The following SLC39A11 variants were observed in gnomAD, a reference collection of about 807,000 sequenced individuals.
SLC39A11 encodes the protein zinc transporter ZIP11.
SLC39A11 carries 33 observed loss-of-function variants against 36.1 expected under a neutral mutation model. That is an observed-to-expected ratio of 0.91 (90% confidence interval 0.69 to 1.22). SLC39A11 has a LOEUF of 1.22. Ranked by LOEUF, SLC39A11 falls within the 50% of genes most tolerant of loss-of-function variation. The pLI is 0.00. For missense variants in SLC39A11, 432 were observed against 430.3 expected, an observed-to-expected ratio of 1.00 and a Z score of -0.03; for synonymous variants, 166 against 170.3, an observed-to-expected ratio of 0.97 and a Z score of 0.20.
intron 5 of SLC39A11, among the ~76,000 whole-genome samples, chr17:72,854,680 T>C (rs930511768): frequency 2.6e-5 from 4 of 152,198 alleles, no homozygotes; most frequent in Non-Finnish European, 5.9e-5. Context: ...ATTTTGTTTT[T>C]TAACTTATAA....
intron 5 of SLC39A11, among the ~76,000 whole-genome samples, chr17:72,878,391 AAATAAAC>A (rs2081029663): frequency 6.6e-6 from 1 of 152,184 alleles, no homozygotes; most frequent in East Asian, 1.9e-4. Context: ...TATTTTAGGA[AAATAAAC>A]AAGGTCCCCA....
intron 6 of SLC39A11, among the ~76,000 whole-genome samples, chr17:72,841,957 A>G (rs752817943): frequency 6.6e-6 from 1 of 151,894 alleles, no homozygotes; most frequent in Non-Finnish European, 1.5e-5. Flanking sequence ...CTGTAGTCCC[A>G]GCTACTCAGG....
At chr17:72,689,185 T>C (rs2071897605) in intron 7 of SLC39A11, among the ~76,000 whole-genome samples, 1 of 152,174 alleles carries the variant, frequency 6.6e-6, no homozygotes, top group South Asian at 2.1e-4. Flanking sequence ...CTGTACTCAG[T>C]TTCATGCTAG....
intron 7 of SLC39A11, among the ~76,000 whole-genome samples, chr17:72,726,385 C>T (rs77533669): frequency 8.5e-5 from 13 of 152,254 alleles, no homozygotes; most frequent in Non-Finnish European, 1.8e-4. Context: ...AGGATGCACA[C>T]CTGGAGTCCC....
At chr17:72,983,270 C>A (rs2088471061) in intron 4 of SLC39A11, among the ~76,000 whole-genome samples, 1 of 152,098 alleles carries the variant, frequency 6.6e-6, no homozygotes, top group Non-Finnish European at 1.5e-5. Context: ...CTGTCTCAGC[C>A]TCCTGAGGAG....
At chr17:72,938,130 A>C (rs2084886178) in intron 5 of SLC39A11, among the ~76,000 whole-genome samples, 1 of 152,152 alleles carries the variant, frequency 6.6e-6, no homozygotes, top group Admixed American at 6.5e-5. Context: ...ATGCAGAGCT[A>C]TTTTCTTTCT....
chr17:72,869,188 G>A (rs73996003), intron 5 of SLC39A11, among the ~76,000 whole-genome samples: 353 of 152,288 alleles, frequency 2.3e-3, no homozygotes, highest in African/African-American at 7.5e-3. Flanking sequence ...CTTCCCAAGT[G>A]GCACCAGTGA....
chr17:73,014,418 A>G (rs187144149), intron 4 of SLC39A11, among the ~76,000 whole-genome samples: 5 of 152,316 alleles, frequency 3.3e-5, no homozygotes, highest in Admixed American at 2.6e-4. Flanking sequence ...GCACTTTGAG[A>G]GGCCCAGGTG....
chr17:72,732,362 C>A (rs2074269685), intron 7 of SLC39A11, among the ~76,000 whole-genome samples: 1 of 152,174 alleles, frequency 6.6e-6, no homozygotes. Context: ...CTAGTAACTA[C>A]ACTATATTCA....
At chr17:72,721,071 G>C (rs577197244) in intron 7 of SLC39A11, among the ~76,000 whole-genome samples, 54 of 148,126 alleles carry the variant, frequency 3.6e-4, no homozygotes, top group South Asian at 8.6e-4. Context: ...GCACAGACTT[G>C]ACTGCTGTCC....
intron 7 of SLC39A11, among the ~76,000 whole-genome samples, chr17:72,719,726 T>G (rs1447634462): frequency 6.6e-6 from 1 of 152,206 alleles, no homozygotes; most frequent in Non-Finnish European, 1.5e-5. Context: ...CCCCAAGGTC[T>G]GCTCCAGGCT....
At chr17:72,695,202 G>C (rs2072236454) in intron 7 of SLC39A11, among the ~76,000 whole-genome samples, 1 of 152,182 alleles carries the variant, frequency 6.6e-6, no homozygotes, top group Admixed American at 6.5e-5. Context: ...CTCTGCCTCA[G>C]TGTCTCCTCC....
chr17:72,916,155 A>G (rs1467803706), intron 5 of SLC39A11, among the ~76,000 whole-genome samples: 1 of 152,024 alleles, frequency 6.6e-6, no homozygotes, highest in Admixed American at 6.5e-5. Context: ...TTCACCTCCA[A>G]GACACGACAT....
chr17:72,657,924 C>T (rs749061498), intron 7 of SLC39A11, among the ~76,000 whole-genome samples: 69 of 152,328 alleles, frequency 4.5e-4, no homozygotes, highest in Non-Finnish European at 1.9e-4. Context: ...CCTCACCAGC[C>T]CCATTGATGC....
chr17:73,077,317 G>A (rs2060355670), intron 3 of SLC39A11, among the ~76,000 whole-genome samples: 1 of 152,110 alleles, frequency 6.6e-6, no homozygotes, highest in African/African-American at 2.4e-5. Flanking sequence ...CAAGAACAAT[G>A]TTTGTTATTG....
At chr17:72,876,042 A>G (rs1408931813) in intron 5 of SLC39A11, among the ~76,000 whole-genome samples, 1 of 152,226 alleles carries the variant, frequency 6.6e-6, no homozygotes, top group Non-Finnish European at 1.5e-5. Context: ...GGTTATAAAT[A>G]TAACTGCAAA....
At chr17:72,987,278 G>C (rs569949300) in intron 4 of SLC39A11, among the ~76,000 whole-genome samples, 10 of 152,346 alleles carry the variant, frequency 6.6e-5, no homozygotes, top group African/African-American at 2.2e-4. Flanking sequence ...AGAACTGAGA[G>C]CCAAATAAAC....
At chr17:72,743,787 A>C (rs2713995) in intron 6 of SLC39A11, among the ~76,000 whole-genome samples, 114,151 of 152,142 alleles carry the variant, frequency 0.75, 43,377 homozygotes, top group Non-Finnish European at 0.79. Context: ...ACTGATGCTC[A>C]TGCCCCCAGT....
At chr17:72,852,763 T>C (rs2079426186) in intron 5 of SLC39A11, among the ~76,000 whole-genome samples, 1 of 152,234 alleles carries the variant, frequency 6.6e-6, no homozygotes, top group African/African-American at 2.4e-5. Context: ...CAGATGCTGG[T>C]TGAGAAACTG....
Sources: allele counts gnomAD v4.1 joint callset (sites outside exome capture counted in the v4.1 genomes callset), GRCh38; gene constraint gnomAD v4.1.1; transcripts MANE v1.5; gene names NCBI Gene and HGNC (gene_info 2026-07-23, HGNC 2026-07-21).